The following WDFY3 variants were observed in gnomAD, a reference collection of about 807,000 sequenced individuals.
The protein encoded by WDFY3 is WD repeat and FYVE domain containing 3.
A neutral mutation model predicts 409.6 loss-of-function variants in WDFY3; 66 were observed. The observed-to-expected ratio is 0.16, with a 90% CI of 0.13 to 0.20. WDFY3 has a LOEUF of 0.20. WDFY3 is among the 10% of genes least tolerant of loss of function. The probability of loss-of-function intolerance (pLI) is 1.00; values close to 1 mark genes in which losing one functional copy is unlikely to be tolerated. For synonymous variants in WDFY3, 1,521 were observed against 1,537.1 expected, an observed-to-expected ratio of 0.99 and a Z score of 0.25; for missense variants, 3,031 against 4,298.1, an observed-to-expected ratio of 0.71 and a Z score of 8.24.
At chr4:84,934,845 C>T (rs1050942257) in intron 1 of WDFY3, among the ~76,000 whole-genome samples, 1 of 152,044 alleles carries the variant, frequency 6.6e-6, no homozygotes, top group Admixed American at 6.6e-5. Context: ...TAACCGCAAT[C>T]CTGTATTTTG....
chr4:84,857,875 T>C (rs1421704470), intron 4 of WDFY3, among the ~76,000 whole-genome samples: 2 of 152,210 alleles, frequency 1.3e-5, no homozygotes, highest in African/African-American at 4.8e-5. Flanking sequence ...CTAACCTTCC[T>C]GGCACTCTTG....
chr4:84,825,454 A>G (rs548222221), intron 10 of WDFY3, among the ~76,000 whole-genome samples: 1 of 151,288 alleles, frequency 6.6e-6, no homozygotes, highest in East Asian at 2.0e-4. Context: ...GCAGCTTTGA[A>G]CTCCCGGGCT....
At chr4:84,957,528 C>T (rs1444559649) in intron 1 of WDFY3, among the ~76,000 whole-genome samples, 2 of 152,090 alleles carry the variant, frequency 1.3e-5, no homozygotes, top group Non-Finnish European at 2.9e-5. Flanking sequence ...GGTTCAAAGA[C>T]GTGAAGGTAA....
At chr4:84,869,195 G>A (rs771546854) in intron 3 of WDFY3, among the ~76,000 whole-genome samples, 11 of 152,116 alleles carry the variant, frequency 7.2e-5, no homozygotes, top group Non-Finnish European at 1.3e-4. Flanking sequence ...GGCATCATTA[G>A]GAATTTATTT....
intron 29 of WDFY3, among the ~76,000 whole-genome samples, chr4:84,773,175 T>C (rs1185496647): frequency 2.0e-5 from 3 of 152,026 alleles, no homozygotes; most frequent in Non-Finnish European, 2.9e-5. Flanking sequence ...ATAAGAGTAG[T>C]GTGGGGGCAT....
chr4:84,674,288 T>C (rs544075595), intron 67 of WDFY3, among the ~76,000 whole-genome samples: 14 of 152,242 alleles, frequency 9.2e-5, no homozygotes, highest in Admixed American at 7.8e-4. Flanking sequence ...TAGATTAATA[T>C]GATGGGTGTG....
At chr4:84,753,562 G>T in intron 35 of WDFY3, 135 bp downstream of exon 35, 2 of 1,028,182 alleles carry the variant, frequency 1.9e-6, no homozygotes, top group Non-Finnish European at 2.6e-6. Context: ...AAGAGGTGAT[G>T]TATAAAGTTA....
Position 84,775,098 on chromosome 4 carries a change from A to G in WDFY3, c.4559T>C (p.Phe1520Ser). 6.2e-7 allele frequency: 1 copy of G among 1,613,644 alleles called. No homozygotes were observed. The highest frequency in any genetic ancestry group is 8.5e-7 in the Non-Finnish European group (1 of 1,179,844). ...HAPYELHLSL[F>S]EHFIELLTES... ...TGTGAGCAGTTCAATAAAGTGTTCA[A>G]ATAAGGAAAGATGAAGTTCATATGG... Residue 1520 changes from phenylalanine (F) to serine (S), a missense_variant, in exon 28 of 68, where the codon TTT becomes TCT. Physicochemically the swap from Phe to Ser is radical, Grantham distance 155. Coordinates refer to ENST00000295888, the MANE Select transcript of WDFY3 (RefSeq NM_014991.6).
At chr4:84,940,176 T>A (rs1315308136) in intron 1 of WDFY3, among the ~76,000 whole-genome samples, 1 of 152,062 alleles carries the variant, frequency 6.6e-6, no homozygotes, top group Non-Finnish European at 1.5e-5. Flanking sequence ...GTCCCAGAAG[T>A]GCTATGTCCA....
At chr4:84,898,784 A>G (rs1765967290) in intron 2 of WDFY3, among the ~76,000 whole-genome samples, 1 of 152,226 alleles carries the variant, frequency 6.6e-6, no homozygotes, top group Admixed American at 6.5e-5. Flanking sequence ...TGAATTCTGC[A>G]TCCCTCAGAA....
intron 49 of WDFY3, among the ~76,000 whole-genome samples, chr4:84,716,438 C>CA (rs549365469): frequency 0.12 from 6,701 of 55,364 alleles, 277 homozygotes; most frequent in African/African-American, 0.15. Flanking sequence ...GACTCCATCT[C>CA]AAAAAAAAAA....
At chr4:84,705,639 A>AT in intron 53 of WDFY3, 128 bp from the exon 54 acceptor site, 1 of 732,888 alleles carries the variant, frequency 1.4e-6, no homozygotes, top group East Asian at 2.5e-5. Context: ...TCAAACTGGT[A>AT]TAACTGGACT....
At chr4:84,785,505 G>C (rs1267859118) in intron 24 of WDFY3, among the ~76,000 whole-genome samples, 1 of 151,998 alleles carries the variant, frequency 6.6e-6, no homozygotes, top group African/African-American at 2.4e-5. Flanking sequence ...TTACTGCATA[G>C]CACCATCACC....
intron 3 of WDFY3, among the ~76,000 whole-genome samples, chr4:84,873,691 C>T (rs779221155): frequency 1.3e-5 from 2 of 151,832 alleles, no homozygotes; most frequent in African/African-American, 2.4e-5. Context: ...TCAATAAAAC[C>T]GAATGCTTGC....
At chr4:84,960,441 A>G (rs1774767572) in intron 1 of WDFY3, among the ~76,000 whole-genome samples, 1 of 152,176 alleles carries the variant, frequency 6.6e-6, no homozygotes, top group Non-Finnish European at 1.5e-5. Flanking sequence ...CTATCATGAT[A>G]AGGACCTTGA....
intron 65 of WDFY3, 109 bp downstream of exon 65, chr4:84,678,810 G>A (rs1001054797): frequency 3.2e-5 from 39 of 1,225,272 alleles, no homozygotes; most frequent in African/African-American, 1.8e-4. Flanking sequence ...CCCAGCTCAC[G>A]GGGCACATCC....
rs570123444 is a variant in WDFY3 at position 84,772,459 on chromosome 4, C to T, written c.4849+376G>A. 3.3e-5 allele frequency among the ~76,000 whole-genome samples: 5 copies of T among 151,988 alleles called. No individual in the cohort carries two copies. In the South Asian group the frequency reaches 1.0e-3, roughly 31 times the overall value. ...CAGGGAAGTGAAAATAATAGTAATACAGATATATGGATATAATTTAGTTTA... is the reference window on the plus strand; with the variant it reads ...CAGGGAAGTGAAAATAATAGTAATATAGATATATGGATATAATTTAGTTTA... On this transcript the variant is annotated intron_variant, in intron 30 of 67. Coordinates refer to ENST00000295888, the MANE Select transcript of WDFY3 (RefSeq NM_014991.6).
rs926539319 is a variant in WDFY3, at chr4:84,726,917, A to G, written c.7222-6T>C. The stretch of plus-strand genomic sequence containing the variant: ...TGTTTACTTGGGATCTCAGACTGAA[A>G]ACAGGGTATTAAGTATAGACATATC... On this transcript the variant is annotated splice_polypyrimidine_tract_variant and splice_region_variant and intron_variant, in intron 44 of 67. Coordinates refer to ENST00000295888, the MANE Select transcript of WDFY3 (RefSeq NM_014991.6). The G allele has an allele frequency of 2.5e-6, 4 of 1,604,796 alleles. No individual in the cohort carries two copies. Among genetic ancestry groups the G allele is most frequent in the Non-Finnish European group, 3.4e-6 (4 of 1,177,310 alleles).
intron 2 of WDFY3, among the ~76,000 whole-genome samples, chr4:84,912,205 G>C (rs1258089651): frequency 6.6e-6 from 1 of 152,164 alleles, no homozygotes; most frequent in African/African-American, 2.4e-5. Context: ...AAGAAGCAGA[G>C]AAAAGTCATG....
Sources: allele counts gnomAD v4.1 joint callset (sites outside exome capture counted in the v4.1 genomes callset), GRCh38; gene constraint gnomAD v4.1.1; transcripts MANE v1.5; gene names NCBI Gene and HGNC (gene_info 2026-07-23, HGNC 2026-07-21).